Variants in SLC4A2 observed in about 807,000 individuals in gnomAD.
SLC4A2 encodes solute carrier family 4 member 2.
In SLC4A2, 36 loss-of-function variants were observed where a neutral mutation model predicts 115.0. That is an observed-to-expected ratio of 0.31 (90% CI 0.24 to 0.41). SLC4A2 has a LOEUF of 0.41. Ranked by LOEUF, SLC4A2 falls within the 10% of genes least tolerant of loss-of-function variation. The probability of loss-of-function intolerance (pLI) is 1.00; values close to 1 mark genes in which losing one functional copy is unlikely to be tolerated. For missense variants in SLC4A2, 1,252 were observed against 1,705.6 expected (o/e 0.73, Z 4.68); for synonymous variants, 708 against 708.3 (o/e 1.00, Z 0.01).
rs1047046109 is a variant in SLC4A2, at chr7:151,060,754, G to A, written c.-64+992G>A. On this transcript the variant is annotated intron_variant, in intron 1 of 22. Coordinates refer to ENST00000413384, the MANE Select transcript of SLC4A2 (RefSeq NM_003040.4). This position sits in a 1 kb window ranked among gnomAD's most constrained non-coding sequence, Gnocchi z 5.9. Reference sequence around the variant, plus strand: ...CCGCCCTGGCTGAAGGCCTGCTGAGGGGGAGGGGAAGAGCGTGGTTAGCCA... The same window carrying A: ...CCGCCCTGGCTGAAGGCCTGCTGAGAGGGAGGGGAAGAGCGTGGTTAGCCA... 7.9e-5 allele frequency among the ~76,000 whole-genome samples: 12 copies of A among 152,200 alleles called. No homozygotes were observed. Among genetic ancestry groups the A allele is most frequent in the Admixed American group, 5.9e-4 (9 of 15,288 alleles).
chr7:151,061,861 C>A, intron 1 of SLC4A2, 64 bp from the exon 2 acceptor site: 1 of 806,684 alleles, frequency 1.2e-6, no homozygotes, highest in Non-Finnish European at 2.0e-6. Context: ...GCAGCGCAGC[C>A]TGCGCGTGGT....
At chr7:151,064,050 C>T (rs1359765269) in intron 2 of SLC4A2, 152 bp from the exon 3 acceptor site, 2 of 695,792 alleles carry the variant, frequency 2.9e-6, no homozygotes, top group Non-Finnish European at 4.8e-6. Context: ...ATTTAAGGGA[C>T]AGCTGCTGGG....
chr7:151,068,364 T>C (rs960641478), intron 8 of SLC4A2, among the ~76,000 whole-genome samples: 2 of 152,186 alleles, frequency 1.3e-5, no homozygotes, highest in African/African-American at 4.8e-5. Flanking sequence ...TGCAGCTGTG[T>C]AGACCTCACG....
intron 2 of SLC4A2, chr7:151,062,568 G>A: frequency 6.9e-7 from 1 of 1,452,952 alleles, no homozygotes; most frequent in Non-Finnish European, 9.0e-7. Flanking sequence ...CACTGGCCCA[G>A]AGGGGCACGT....
chr7:151,073,753 C>T (rs1204575523), intron 16 of SLC4A2, among the ~76,000 whole-genome samples: 1 of 152,154 alleles, frequency 6.6e-6, no homozygotes, highest in Non-Finnish European at 1.5e-5. Flanking sequence ...CAGTGGTCCT[C>T]TGTGCTCATG....
chr7:151,068,546 A>G (rs763927754), intron 8 of SLC4A2, among the ~76,000 whole-genome samples: 1 of 151,876 alleles, frequency 6.6e-6, no homozygotes, highest in Non-Finnish European at 1.5e-5. Context: ...TCGAGACAGG[A>G]TCTTGCTCTG....
Position 151,066,555 on chromosome 7 carries a change from T to C in SLC4A2, c.617T>C (p.Val206Ala). The C allele has an allele frequency of 6.5e-7, 1 of 1,541,092 alleles. No homozygotes were observed. The highest frequency in any genetic ancestry group is 8.7e-7 in the Non-Finnish European group (1 of 1,143,066). Reference protein sequence around the residue: ...VEEAEAEAVAVASGTAGGDDG... With the variant: ...VEEAEAEAVAAASGTAGGDDG... ...GAGGCGGAGGCGGAGGCGGTGGCGG[T>C]GGCCAGTGGCACTGCAGGGGGTGAC... Residue 206 changes from valine to alanine, a missense_variant, in exon 6 of 23, where the codon GTG becomes GCG. This residue lies in a region of SLC4A2 where 215 missense variants were observed against 205.2 expected (regional missense o/e 1.05). Transcript: ENST00000413384.
In SLC4A2 at chr7:151,069,961, G is replaced by A; in HGVS notation, c.1162G>A (p.Asp388Asn). The A allele has an allele frequency of 6.2e-7, 1 of 1,613,968 alleles. No individual in the cohort carries two copies. The highest frequency in any genetic ancestry group is 8.5e-7 in the Non-Finnish European group (1 of 1,180,034). ...RTLAHGAVLL[D>N]LDQQTLPGVA... ...TCTTATGCTAGGGGCTGTGCTCTTGGATCTGGACCAGCAGACCCTGCCCGG... is the reference window on the plus strand; with the variant it reads ...TCTTATGCTAGGGGCTGTGCTCTTGAATCTGGACCAGCAGACCCTGCCCGG... Residue 388 changes from aspartate (D) to asparagine (N), a missense_variant, in exon 9 of 23, where the codon GAT becomes AAT. Physicochemically the swap from Asp to Asn is conservative, Grantham distance 23 (BLOSUM62 1). Around this residue, in one of 14 missense-constraint regions of SLC4A2, gnomAD observed 142 missense variants for 153.5 expected, o/e 0.93. Coordinates refer to ENST00000413384, the MANE Select transcript of SLC4A2 (RefSeq NM_003040.4).
At position 151,062,169 on chromosome 7, in the gene SLC4A2, C is replaced by G; in HGVS notation, c.51+131C>G. On this transcript the variant is annotated intron_variant, in intron 2 of 22. Coordinates refer to ENST00000413384, the MANE Select transcript of SLC4A2 (RefSeq NM_003040.4). ...TGGAGACTGGGAGGATGCTGCCATCCCTACCCTGACTTTGCATGATGGTCG... is the reference window on the plus strand; with the variant it reads ...TGGAGACTGGGAGGATGCTGCCATCGCTACCCTGACTTTGCATGATGGTCG... 3 of 756,468 alleles carry G rather than the reference C, an allele frequency of 4.0e-6. No homozygotes were observed. In the Admixed American group the frequency reaches 6.6e-5, roughly 17 times the overall value. 46.9% of individuals were successfully genotyped at this position (756,468 alleles called of 1,614,324 possible).
rs1332198190 is a variant in SLC4A2, at chr7:151,064,379, G to A, written c.217+12G>A. On this transcript the variant is annotated intron_variant, in intron 3 of 22. Coordinates refer to ENST00000413384, the MANE Select transcript of SLC4A2 (RefSeq NM_003040.4). ...GGAAGACTTTGAGTGTGAGGGGGCA[G>A]GCAGGGGAGGGGGAGGTGGGGGGAT... 6.4e-7 allele frequency: 1 copy of A among 1,563,734 alleles called. No homozygotes were observed. The highest frequency in any genetic ancestry group is 8.7e-7 in the Non-Finnish European group (1 of 1,148,724).
In SLC4A2 at chr7:151,076,170, A is replaced by G; in HGVS notation, c.3629A>G (p.Asp1210Gly). The change falls in exon 22 of 23, where the codon GAC becomes GGC. Residue 1210 changes from aspartate (D) to glycine (G), a missense_variant. Asp to Gly is a moderately conservative substitution (Grantham distance 94). Coordinates refer to ENST00000413384, the MANE Select transcript of SLC4A2 (RefSeq NM_003040.4). Reference protein sequence around the residue: ...RMVVLTRIFTDREMKCLDANE... With the variant: ...RMVVLTRIFTGREMKCLDANE... ...GTGGTGCTCACCCGTATCTTCACCG[A>G]CCGAGAGATGAAATGTGTAAGCCCT... The G allele has an allele frequency of 6.2e-7, 1 of 1,610,632 alleles. No individual in the cohort carries two copies. The highest frequency in any genetic ancestry group is 1.7e-5 in the Admixed American group (1 of 59,946).
At chr7:151,074,932 TC>T in intron 19 of SLC4A2, 91 bp downstream of exon 19, 2 of 1,329,980 alleles carry the variant, frequency 1.5e-6, no homozygotes, top group Non-Finnish European at 2.0e-6. Context: ...CACTGGGCAA[TC>T]CCAGGGACCT....
chr7:151,074,477 A>C lies in SLC4A2; in HGVS notation c.2869A>C (p.Thr957Pro), dbSNP rs1380090430. 6.2e-7 allele frequency: 1 copy of C among 1,613,876 alleles called. No homozygotes were observed. The highest frequency in any genetic ancestry group is 1.7e-5 in the Admixed American group (1 of 60,014). ...MVLVDYSIED[T>P]YTQKLSVPSG... ...GCTTGTGGATTACAGTATTGAGGAC[A>C]CCTATACCCAGGTAAGGTGCTGCCC... The change falls in exon 18 of 23, where the codon ACC (threonine) becomes CCC (proline). Residue 957 changes from threonine to proline, a missense_variant. Thr to Pro is a conservative substitution (Grantham distance 38, BLOSUM62 -1). Coordinates refer to ENST00000413384, the MANE Select transcript of SLC4A2 (RefSeq NM_003040.4).
In SLC4A2 at chr7:151,070,216, G is replaced by A. The variant is rs1563354117; in HGVS notation, c.1319G>A (p.Arg440His). The change falls in exon 10 of 23, where the codon CGC (arginine) becomes CAC (histidine). Residue 440 changes from arginine to histidine, a missense_variant. Around this residue, in one of 14 missense-constraint regions of SLC4A2, gnomAD observed 142 missense variants for 153.5 expected, o/e 0.93. Coordinates refer to ENST00000413384, the MANE Select transcript of SLC4A2 (RefSeq NM_003040.4). The part of the protein sequence containing the change: ...PSDEKDFSFP[R>H]NISAGSLGSL... ...GATGAGAAGGACTTCTCCTTCCCCC[G>A]CAACATCTCAGCTGGCTCCCTGGGC... is the stretch of plus-strand genomic sequence containing the variant. 6.2e-7 allele frequency: 1 copy of A among 1,614,130 alleles called. No individual in the cohort carries two copies.
At position 151,072,020 on chromosome 7, in the gene SLC4A2, A is replaced by G. The variant is rs1425652977; in HGVS notation, c.2419A>G (p.Met807Val). ...CTGGCTGGTGTTCCTGGCCCTGCTC[A>G]TGGTGGCCCTGGAGGGGAGCTTCCT... is the stretch of plus-strand genomic sequence containing the variant. The part of the protein sequence containing the change: ...GFWLVFLALL[M>V]VALEGSFLVR... The change falls in exon 16 of 23, where the codon ATG (methionine) becomes GTG (valine). Residue 807 changes from methionine to valine, a missense_variant. Physicochemically the swap from Met to Val is conservative, Grantham distance 21. This residue lies in a region of SLC4A2 where 118 missense variants were observed against 203.3 expected (regional missense o/e 0.58). Transcript: ENST00000413384. 1.9e-6 allele frequency: 3 copies of G among 1,613,734 alleles called. No individual in the cohort carries two copies. Among genetic ancestry groups the G allele is most frequent in the Non-Finnish European group, 2.5e-6 (3 of 1,179,910 alleles).
In SLC4A2 at chr7:151,062,156, G is replaced by C. The variant is rs1476154344; in HGVS notation, c.51+118G>C. The C allele has an allele frequency of 1.6e-5, 13 of 812,776 alleles. No individual in the cohort carries two copies. In the Admixed American group the frequency reaches 2.7e-4, roughly 17 times the overall value. 50.3% of individuals were successfully genotyped at this position (812,776 alleles called of 1,614,324 possible). On this transcript the variant is annotated intron_variant, in intron 2 of 22. Transcript: ENST00000413384. ...GCGTGTGTGAGTGTGGAGACTGGGA[G>C]GATGCTGCCATCCCTACCCTGACTT...
In SLC4A2 at chr7:151,066,779, G is replaced by A. The variant is rs922613916; in HGVS notation, c.823+18G>A. 5 of 1,579,296 alleles carry A rather than the reference G, an allele frequency of 3.2e-6. No homozygotes were observed. The highest frequency in any genetic ancestry group is 4.3e-6 in the Non-Finnish European group (5 of 1,161,948). On this transcript the variant is annotated intron_variant, in intron 6 of 22. Coordinates refer to ENST00000413384, the MANE Select transcript of SLC4A2 (RefSeq NM_003040.4). Reference sequence around the variant, plus strand: ...CATGAAGAGTAAGTGCTGGGCCTTGGCCAAGCCCGGCACTGGTGGGCAAAG... The same window carrying A: ...CATGAAGAGTAAGTGCTGGGCCTTGACCAAGCCCGGCACTGGTGGGCAAAG...
intron 5 of SLC4A2, among the ~76,000 whole-genome samples, chr7:151,066,310 C>T (rs930074420): frequency 1.1e-4 from 17 of 152,368 alleles, no homozygotes; most frequent in African/African-American, 3.6e-4. Context: ...TGGGGCTGCA[C>T]AGCCAGAAAA....
At position 151,074,434 on chromosome 7, in the gene SLC4A2, C is replaced by T. The variant is rs773331499; in HGVS notation, c.2826C>T (p.Ile942=). The change falls in exon 18 of 23, where the codon ATC becomes ATT. Residue 942 remains isoleucine, a synonymous_variant. Coordinates refer to ENST00000413384, the MANE Select transcript of SLC4A2 (RefSeq NM_003040.4). The part of the protein sequence containing the change: ...RRVIGDFGVP[I]AILIMVLVDY... ...TGATTGGGGACTTTGGGGTGCCCAT[C>T]GCCATCCTCATCATGGTGCTTGTGG... The T allele has an allele frequency of 8.1e-6, 13 of 1,613,934 alleles. No homozygotes were observed. Among genetic ancestry groups the T allele is most frequent in the African/African-American group, 2.7e-5 (2 of 74,914 alleles).
Sources: gnomAD v4.1 joint callset for allele counts (sites outside exome capture counted in the v4.1 genomes callset) on GRCh38, gnomAD v4.1.1 for gene constraint, gnomAD v4.1.1 regional missense constraint, Gnocchi (gnomAD v3.1) non-coding constraint, MANE v1.5 for transcripts, NCBI Gene and HGNC (gene_info 2026-07-23, HGNC 2026-07-21) for gene names.